The following SETD1B variants were observed in gnomAD, a reference collection of about 807,000 sequenced individuals.
SETD1B encodes SET domain containing 1B, histone lysine methyltransferase, also known as histone-lysine N-methyltransferase SETD1B.
A neutral mutation model predicts 148.0 loss-of-function variants in SETD1B; 7 were observed. That is an observed-to-expected ratio of 0.05 (90% CI 0.03 to 0.09). The LOEUF (loss-of-function observed/expected upper bound fraction) is 0.09, where lower values mean the gene tolerates loss of function less well. Ranked by LOEUF, SETD1B falls within the 10% of genes least tolerant of loss-of-function variation. The probability of loss-of-function intolerance (pLI) is 1.00; values close to 1 mark genes in which losing one functional copy is unlikely to be tolerated. For missense variants in SETD1B, 2,155 were observed against 2,729.9 expected (o/e 0.79, Z 4.69); for synonymous variants, 1,361 against 1,186.5 (o/e 1.15, Z -3.02).
At chr12:121,811,844 C>T (rs1478317901) in intron 6 of SETD1B, among the ~76,000 whole-genome samples, 3 of 152,106 alleles carry the variant, frequency 2.0e-5, no homozygotes, top group Non-Finnish European at 4.4e-5. Context: ...CAGGGGGCCT[C>T]CAAGCAGTTC....
chr12:121,791,657 A>G, the SETD1B span, among the ~76,000 whole-genome samples: 1 of 152,182 alleles, frequency 6.6e-6, no homozygotes, highest in African/African-American at 2.4e-5. Flanking sequence ...CTACTCTGAC[A>G]TGTTCCTTGA....
rs1274082176 is a variant in SETD1B, at chr12:121,814,712, C to T, written c.2497C>T (p.His833Tyr). Reference sequence around the variant, plus strand: ...CAACTCCGGCCCAGGCCGCGGGCAGCACTGGCCACCACTGCCCAAGTTTGA... The same window carrying T: ...CAACTCCGGCCCAGGCCGCGGGCAGTACTGGCCACCACTGCCCAAGTTTGA... ...LSNSGPGRGQ[H>Y]WPPLPKFDPS... is the part of the protein sequence containing the mutation. Residue 833 changes from histidine (H) to tyrosine (Y), a missense_variant, in exon 7 of 17, where the codon CAC (histidine) becomes TAC (tyrosine). His to Tyr is a moderately conservative substitution (Grantham distance 83). Around this residue, in one of 11 missense-constraint regions of SETD1B, gnomAD observed 289 missense variants for 423.7 expected, o/e 0.68. Transcript: ENST00000604567. The T allele has an allele frequency of 1.9e-6, 3 of 1,550,844 alleles. No homozygotes were observed. Among genetic ancestry groups the T allele is most frequent in the Non-Finnish European group, 2.6e-6 (3 of 1,146,948 alleles).
the SETD1B span, chr12:121,796,354 A>G: frequency 6.5e-6 from 1 of 152,994 alleles, no homozygotes; most frequent in East Asian, 1.9e-4. Flanking sequence ...GGGTCAGCTC[A>G]TCGGTGTCCA....
At position 121,819,525 on chromosome 12, in the gene SETD1B, G is replaced by T; in HGVS notation, c.3540G>T (p.Glu1180Asp). The T allele has an allele frequency of 6.4e-7, 1 of 1,552,500 alleles. No individual in the cohort carries two copies. The stretch of plus-strand genomic sequence containing the variant: ...CCTCATCCTCGGAGGATGAGGAGGA[G>T]GTAGTGGCCAGGGAAGAGGAGGAAG... Reference protein sequence around the residue: ...SSPSSSEDEEEVVAREEEEEE... With the variant: ...SSPSSSEDEEDVVAREEEEEE... The change falls in exon 11 of 17, where the codon GAG becomes GAT. Residue 1180 changes from glutamate to aspartate, a missense_variant. By Grantham distance (45) the Glu-to-Asp change is conservative (BLOSUM62 2). Around this residue, in one of 11 missense-constraint regions of SETD1B, gnomAD observed 862 missense variants for 873.8 expected, o/e 0.99. Transcript: ENST00000604567.
the SETD1B span, among the ~76,000 whole-genome samples, chr12:121,798,207 ACTTCTCCCCGG>A: frequency 2.1e-4 from 32 of 152,320 alleles, no homozygotes; most frequent in Non-Finnish European, 7.4e-5. Flanking sequence ...TTGGGGAGTC[ACTTCTCCCCGG>A]ACCATGGGTG....
rs1007046153 is a variant in SETD1B, at chr12:121,804,927, G to A, written c.174+16G>A. 14 of 1,481,438 alleles carry A rather than the reference G, an allele frequency of 9.5e-6. No individual in the cohort carries two copies. The African/African-American group carries it at 1.1e-4, about 12-fold the overall frequency. 91.8% of individuals were successfully genotyped at this position (1,481,438 alleles called of 1,614,324 possible). Reference sequence around the variant, plus strand: ...CAGCCTGGCGGTGAGTAGCCGGCGCGCCCCCCCAGCCGTGCCCCGCGTCGT... The same window carrying A: ...CAGCCTGGCGGTGAGTAGCCGGCGCACCCCCCCAGCCGTGCCCCGCGTCGT... On this transcript the variant is annotated intron_variant, in intron 2 of 16. Coordinates refer to ENST00000604567, the MANE Select transcript of SETD1B (RefSeq NM_001353345.2). This position sits in a 1 kb window ranked among gnomAD's most constrained non-coding sequence, Gnocchi z 4.6.
In SETD1B at chr12:121,823,337, T is replaced by TTCCCCCCCCCCCCCCCCCCC; in HGVS notation, c.4758_4759insTCCCCCCCCCCCCCCCCCCC (p.Pro1587SerfsTer20). 1 of 809,490 alleles carries TTCCCCCCCCCCCCCCCCCCC rather than the reference T, an allele frequency of 1.2e-6. No homozygotes were observed. The highest frequency in any genetic ancestry group is 1.5e-5 in the South Asian group (1 of 67,364). The allele number at this position is 809,490 out of a possible 1,614,324, so 50.1% of individuals were successfully genotyped here. A position where few individuals can be genotyped will look rare whatever the true frequency, so the allele number is the denominator to read the frequency against. On this transcript the variant is annotated frameshift_variant, in exon 12 of 17. Coordinates refer to ENST00000604567, the MANE Select transcript of SETD1B (RefSeq NM_001353345.2). LOFTEE classifies it high-confidence loss of function. Reference sequence around the variant, plus strand: ...GGATCCCAGCCCCTCCACCACCCCTTCCCCCCCAGCCACCCCCACCCCCAC... The same window carrying TTCCCCCCCCCCCCCCCCCCC: ...GGATCCCAGCCCCTCCACCACCCCTTTCCCCCCCCCCCCCCCCCCCCCCCCCCAGCCACCCCCACCCCCAC...
chr12:121,812,409 T>G (rs1251871393), intron 6 of SETD1B, among the ~76,000 whole-genome samples: 1 of 152,152 alleles, frequency 6.6e-6, no homozygotes. Context: ...ATCTGCCAAA[T>G]GGGCCTGTGA....
chr12:121,818,025 G>A, intron 10 of SETD1B, 121 bp downstream of exon 10: 2 of 968,276 alleles, frequency 2.1e-6, no homozygotes, highest in South Asian at 3.5e-5. Context: ...ACGTTACCTT[G>A]TTAAAACACA....
rs1296659273 is a variant in SETD1B at position 121,804,024 on chromosome 12, C to G, written c.-224C>G. ...CCTTAGCGGTGTATTGTGGGATGTG[C>G]GGCTACTGGGAGCCGAGCCTCCGCC... On this transcript the variant is annotated 5_prime_UTR_variant, in exon 1 of 17. Coordinates refer to ENST00000604567, the MANE Select transcript of SETD1B (RefSeq NM_001353345.2). The surrounding 1 kb of genome is among the most constrained non-coding windows in gnomAD (Gnocchi z 4.6). 1 of 152,892 alleles carries G rather than the reference C, an allele frequency of 6.5e-6. No homozygotes were observed. Among genetic ancestry groups the G allele is most frequent in the African/African-American group, 2.4e-5 (1 of 41,302 alleles). 9.5% of individuals were successfully genotyped at this position (152,892 alleles called of 1,614,324 possible). A position where few individuals can be genotyped will look rare whatever the true frequency, so the allele number is the denominator to read the frequency against.
Position 121,810,905 on chromosome 12 carries a change from G to A in SETD1B, c.1890+70G>A, listed in dbSNP as rs1876003634. 4 of 1,433,608 alleles carry A rather than the reference G, an allele frequency of 2.8e-6. No individual in the cohort carries two copies. The highest frequency in any genetic ancestry group is 5.9e-5 in the Admixed American group (2 of 34,032). The allele number at this position is 1,433,608 out of a possible 1,614,324, so 88.8% of individuals were successfully genotyped here. ...CTTGTATCTCCCTTTCCCCCTTCAA[G>A]CATTTAGCATGACTAGCTAAGATGC... On this transcript the variant is annotated intron_variant, in intron 6 of 16. Transcript: ENST00000604567. This position sits in a 1 kb window ranked among gnomAD's most constrained non-coding sequence, Gnocchi z 7.6.
At chr12:121,829,992 G>T in intron 16 of SETD1B, 74 bp from the exon 17 acceptor site, 1 of 1,403,876 alleles carries the variant, frequency 7.1e-7, no homozygotes. Flanking sequence ...AGGCCTGGTT[G>T]GGTTTGGGGG....
At position 121,810,240 on chromosome 12, in the gene SETD1B, C is replaced by A; in HGVS notation, c.1295C>A (p.Pro432Gln). The A allele has an allele frequency of 6.5e-7, 1 of 1,547,296 alleles. No individual in the cohort carries two copies. The highest frequency in any genetic ancestry group is 1.2e-5 in the South Asian group (1 of 84,042). The change falls in exon 6 of 17, where the codon CCG (proline) becomes CAG (glutamine). Residue 432 changes from proline to glutamine, a missense_variant. Pro to Gln is a moderately conservative substitution (Grantham distance 76, BLOSUM62 -1). Around this residue, in one of 11 missense-constraint regions of SETD1B, gnomAD observed 376 missense variants for 385.0 expected, o/e 0.98. Coordinates refer to ENST00000604567, the MANE Select transcript of SETD1B (RefSeq NM_001353345.2). The surrounding 1 kb of genome is among the most constrained non-coding windows in gnomAD (Gnocchi z 7.6). ...ARDSGEFRRA[P>Q]APPPLPPAEP... ...GACAGTGGGGAGTTCCGGAGGGCACCGGCGCCCCCACCCCTGCCACCTGCT... is the reference window on the plus strand; with the variant it reads ...GACAGTGGGGAGTTCCGGAGGGCACAGGCGCCCCCACCCCTGCCACCTGCT...
chr12:121,794,670 A>G, the SETD1B span, among the ~76,000 whole-genome samples: 1 of 152,132 alleles, frequency 6.6e-6, no homozygotes, highest in African/African-American at 2.4e-5. Flanking sequence ...CAGTGCTATC[A>G]GGGCTGCTGG....
chr12:121,816,301 G>A (rs1592982340), intron 7 of SETD1B, among the ~76,000 whole-genome samples: 1 of 120,742 alleles, frequency 8.3e-6, no homozygotes, highest in Middle Eastern at 3.9e-3. Flanking sequence ...TTATGAGTTT[G>A]AGTGTCCCCT....
chr12:121,824,766 A>G (rs970662208), intron 12 of SETD1B, among the ~76,000 whole-genome samples: 1 of 152,124 alleles, frequency 6.6e-6, no homozygotes, highest in African/African-American at 2.4e-5. Flanking sequence ...AACACCCAGC[A>G]CTTTGGGAGG....
chr12:121,823,798 C>A, intron 12 of SETD1B, 49 bp downstream of exon 12: 3 of 1,495,820 alleles, frequency 2.0e-6, no homozygotes, highest in South Asian at 2.6e-5. Context: ...TGCAGGAAGT[C>A]CCTGCTCACC....
the SETD1B span, among the ~76,000 whole-genome samples, chr12:121,794,848 T>C: frequency 6.6e-6 from 1 of 152,046 alleles, no homozygotes; most frequent in East Asian, 1.9e-4. Flanking sequence ...TCCTACCAGC[T>C]GGGGTAGGAA....
At chr12:121,801,725 C>T (rs1368169614), upstream of SETD1B, 1 of 152,234 alleles carries the variant, frequency 6.6e-6, no homozygotes, top group African/African-American at 2.4e-5. Flanking sequence ...AAGTTACACC[C>T]TCACGTTCTG....
Sources: allele counts gnomAD v4.1 joint callset (sites outside exome capture counted in the v4.1 genomes callset), GRCh38; gene constraint gnomAD v4.1.1; regional missense constraint gnomAD v4.1.1; non-coding constraint Gnocchi (gnomAD v3.1); transcripts MANE v1.5; gene names NCBI Gene and HGNC (gene_info 2026-07-23, HGNC 2026-07-21).